Variants in ADAM7 observed in about 807,000 individuals in gnomAD.
The protein encoded by ADAM7 is ADAM metallopeptidase domain 7.
Under a neutral mutation model 102.9 loss-of-function variants are expected in ADAM7, and 97 were observed. That is an observed-to-expected ratio of 0.94 (90% CI 0.80 to 1.12). The LOEUF (loss-of-function observed/expected upper bound fraction) is 1.12. Among genes scored for constraint, ADAM7 ranks in the 50% most tolerant of loss-of-function variants. The pLI is 0.00. For synonymous variants in ADAM7, 334 were observed against 304.4 expected (o/e 1.10, Z -1.01); for missense variants, 991 against 908.7 (o/e 1.09, Z -1.16).
intron 20 of ADAM7, among the ~76,000 whole-genome samples, chr8:24,502,840 G>T (rs985951032): frequency 4.6e-5 from 7 of 152,038 alleles, no homozygotes; most frequent in African/African-American, 1.4e-4. Context: ...CAGATAATTG[G>T]AAAGAGGGGG....
chr8:24,451,861 GT>G (rs1818805253), intron 3 of ADAM7, among the ~76,000 whole-genome samples: 1 of 149,454 alleles, frequency 6.7e-6, no homozygotes, highest in Non-Finnish European at 1.5e-5. Context: ...CTTTGTTCTC[GT>G]TGGTTTCAAA....
intron 3 of ADAM7, among the ~76,000 whole-genome samples, chr8:24,456,076 TACTC>T (rs1177573023): frequency 6.6e-6 from 1 of 152,162 alleles, no homozygotes; most frequent in Non-Finnish European, 1.5e-5. Flanking sequence ...CAAACTAACT[TACTC>T]ATCCCATGTA....
intron 2 of ADAM7, among the ~76,000 whole-genome samples, chr8:24,443,719 C>G (rs530064885): frequency 6.6e-6 from 1 of 152,126 alleles, no homozygotes; most frequent in African/African-American, 2.4e-5. Context: ...GGGCAGATCA[C>G]GTGAGGCCAG....
rs117844175 is a variant in ADAM7 at position 24,504,578 on chromosome 8, G to A, written c.2209-2902G>A. ...CAAATTTTAAGGCTAATAATTAACT[G>A]ACTCTTGCTAGATGCAAGTGCCAAT... On this transcript the variant is annotated intron_variant, in intron 20 of 21. Coordinates refer to ENST00000175238, the MANE Select transcript of ADAM7 (RefSeq NM_003817.4). Among the ~76,000 whole-genome samples the A allele has an allele frequency of 1.4e-4, 21 of 152,220 alleles. No homozygotes were observed. The East Asian group carries it at 3.5e-3, about 25-fold the overall frequency.
intron 9 of ADAM7, 23 bp from the exon 10 acceptor site, chr8:24,485,254 C>A (rs774610129): frequency 1.8e-5 from 29 of 1,604,196 alleles, no homozygotes; most frequent in Non-Finnish European, 2.5e-5. Context: ...AGATTGAAGA[C>A]TATTTTTGCA....
At chr8:24,449,400 C>T (rs1818690322) in intron 3 of ADAM7, among the ~76,000 whole-genome samples, 1 of 152,172 alleles carries the variant, frequency 6.6e-6, no homozygotes, top group Non-Finnish European at 1.5e-5. Flanking sequence ...TCTCTGATGG[C>T]CAGTGACGGT....
intron 3 of ADAM7, among the ~76,000 whole-genome samples, chr8:24,455,033 T>C (rs1243096512): frequency 1.3e-5 from 2 of 152,130 alleles, no homozygotes; most frequent in African/African-American, 4.8e-5. Flanking sequence ...GAATCTACTA[T>C]ACAACCAAGC....
chr8:24,499,292 C>T lies in ADAM7; in HGVS notation c.1899C>T (p.Cys633=). 1.1e-5 allele frequency: 17 copies of T among 1,607,118 alleles called. No individual in the cohort carries two copies. The highest frequency in any genetic ancestry group is 1.4e-5 in the Non-Finnish European group (17 of 1,177,068). ...AAAAGGTCTATATCTCAACCAATTG[C>T]CCCTCTCAGTGCAATGAAAATCCTG... ...NMEKVYISTN[C]PSQCNENPVD... The change falls in exon 17 of 22, where the codon TGC becomes TGT. Residue 633 remains cysteine (C), a synonymous_variant. Coordinates refer to ENST00000175238, the MANE Select transcript of ADAM7 (RefSeq NM_003817.4).
chr8:24,473,798 G>A (rs988447058), intron 7 of ADAM7, among the ~76,000 whole-genome samples: 4 of 150,450 alleles, frequency 2.7e-5, no homozygotes, highest in Non-Finnish European at 5.9e-5. Flanking sequence ...TGAGAGTGAC[G>A]GTTTCCTCCG....
At chr8:24,445,905 C>T (rs1178901586) in intron 2 of ADAM7, among the ~76,000 whole-genome samples, 2 of 152,274 alleles carry the variant, frequency 1.3e-5, no homozygotes, top group African/African-American at 2.4e-5. Context: ...CTGTTCCCTG[C>T]CCCTGACTTC....
chr8:24,456,011 C>T lies in ADAM7; in HGVS notation c.234-7871C>T, dbSNP rs4361769. ...GAAATTTACTCTCTAAGATTATTTA[C>T]TCTCACTATTATTAAGTAAATTCAC... On this transcript the variant is annotated intron_variant, in intron 3 of 21. Coordinates refer to ENST00000175238, the MANE Select transcript of ADAM7 (RefSeq NM_003817.4). 9.1e-3 allele frequency among the ~76,000 whole-genome samples: 1,380 copies of T among 151,670 alleles called. 13 individuals are homozygous for T. Among genetic ancestry groups the T allele is most frequent in the Non-Finnish European group, 0.014 (985 of 67,948 alleles).
At chr8:24,505,974 C>A in intron 20 of ADAM7, 1 of 748,262 alleles carries the variant, frequency 1.3e-6, no homozygotes, top group Non-Finnish European at 2.3e-6. Flanking sequence ...ATAGACAGGC[C>A]CTGAGATAGA....
At chr8:24,463,235 A>G (rs1283770893) in intron 3 of ADAM7, among the ~76,000 whole-genome samples, 1 of 152,116 alleles carries the variant, frequency 6.6e-6, no homozygotes, top group Non-Finnish European at 1.5e-5. Flanking sequence ...GAAGATTCTT[A>G]TGTTCAGGTT....
chr8:24,476,389 ACTC>A (rs1416691103), intron 7 of ADAM7, 41 bp from the exon 8 acceptor site: 23 of 1,407,952 alleles, frequency 1.6e-5, no homozygotes, highest in Non-Finnish European at 2.1e-5. Context: ...CTTTTATGCA[ACTC>A]CTATTATTAA....
chr8:24,476,022 C>G (rs1477223615), intron 7 of ADAM7: 1 of 454,044 alleles, frequency 2.2e-6, no homozygotes, highest in Non-Finnish European at 4.4e-6. Context: ...TTGTGAACAC[C>G]AAGGACACAG....
chr8:24,492,922 C>A (rs1820416181), intron 15 of ADAM7, 121 bp from the exon 16 acceptor site: 3 of 1,006,026 alleles, frequency 3.0e-6, no homozygotes, highest in Non-Finnish European at 4.2e-6. Flanking sequence ...CCCATTACAG[C>A]CTCCTTAACT....
intron 18 of ADAM7, 105 bp from the exon 19 acceptor site, chr8:24,500,685 C>A: frequency 1.2e-6 from 1 of 832,744 alleles, no homozygotes; most frequent in Non-Finnish European, 1.9e-6. Flanking sequence ...AATTGAAGTT[C>A]TATAGAAAGG....
chr8:24,443,702 C>T (rs1458514826), intron 2 of ADAM7, among the ~76,000 whole-genome samples: 1 of 152,126 alleles, frequency 6.6e-6, no homozygotes, highest in Non-Finnish European at 1.5e-5. Context: ...CTTTGGGAGG[C>T]CGAGGAGGGC....
At chr8:24,494,844 T>G (rs1041598388) in intron 16 of ADAM7, among the ~76,000 whole-genome samples, 1 of 152,138 alleles carries the variant, frequency 6.6e-6, no homozygotes, top group African/African-American at 2.4e-5. Flanking sequence ...GCTAACGAGA[T>G]GGAAAACATT....
Sources: gnomAD v4.1 joint callset for allele counts (sites outside exome capture counted in the v4.1 genomes callset) on GRCh38, gnomAD v4.1.1 for gene constraint, MANE v1.5 for transcripts, NCBI Gene and HGNC (gene_info 2026-07-23, HGNC 2026-07-21) for gene names.